The following PCNT variants were observed in gnomAD, a reference collection of about 807,000 sequenced individuals.
The protein encoded by PCNT is pericentrin, also known as kendrin.
A neutral mutation model predicts 380.4 loss-of-function variants in PCNT; 319 were observed. The ratio of observed to expected loss-of-function variants is 0.84; its 90% CI spans 0.77 to 0.92. The LOEUF (loss-of-function observed/expected upper bound fraction) is 0.92, where lower values mean the gene tolerates loss of function less well. Ranked by LOEUF, PCNT falls within the 40% of genes least tolerant of loss-of-function variation. The probability of loss-of-function intolerance (pLI) is 0.00; values close to 1 mark genes in which losing one functional copy is unlikely to be tolerated. For synonymous variants in PCNT, 1,845 were observed against 1,735.2 expected, an observed-to-expected ratio of 1.06 and a Z score of -1.57; for missense variants, 4,400 against 4,255.3, an observed-to-expected ratio of 1.03 and a Z score of -0.95.
rs892531670 is a variant in PCNT, at chr21:46,351,613, GCCAGAATTTAACAATTCTAGCAAA to G, written c.1456+75_1456+98del. On this transcript the variant is annotated intron_variant, in intron 9 of 46. Transcript: ENST00000359568. ...GTGTTTTTCATTGTTGTAACACCAA[GCCAGAATTTAACAATTCTAGCAAA>G]CACAAAAAAGTGGATTTACCTGTTT... The G allele has an allele frequency of 3.7e-5, 34 of 921,064 alleles. No homozygotes were observed. The African/African-American group carries it at 4.4e-4, about 12-fold the overall frequency. 57.1% of individuals were successfully genotyped at this position (921,064 alleles called of 1,614,324 possible).
intron 13 of PCNT, among the ~76,000 whole-genome samples, chr21:46,357,851 G>T (rs2084532630): frequency 6.6e-6 from 1 of 152,246 alleles, no homozygotes. Context: ...CTTAAATTGC[G>T]TCCGCGTTCC....
Position 46,366,861 on chromosome 21 carries a change from A to G in PCNT, c.2887A>G (p.Arg963Gly). Residue 963 changes from arginine to glycine, a missense_variant, in exon 15 of 47, where the codon AGA (arginine) becomes GGA (glycine). Physicochemically the swap from Arg to Gly is moderately radical, Grantham distance 125. Transcript: ENST00000359568. ...TGCCGACCTCGGCGCTCTGGAGACC[A>G]GACATCTGTCCAGCCTTGATTCTTT... ...HAADLGALETRHLSSLDSLES... is the reference protein window; with the variant it reads ...HAADLGALETGHLSSLDSLES... 1.2e-6 allele frequency: 2 copies of G among 1,614,152 alleles called. No individual in the cohort carries two copies. Among genetic ancestry groups the G allele is most frequent in the South Asian group, 1.1e-5 (1 of 91,090 alleles).
intron 3 of PCNT, among the ~76,000 whole-genome samples, chr21:46,344,925 G>A (rs557026041): frequency 7.0e-4 from 106 of 152,364 alleles, no homozygotes; most frequent in African/African-American, 2.1e-3. Flanking sequence ...AACTGATTCT[G>A]ATGTTGGTAG....
chr21:46,353,715 G>GGGGTGTGT (rs1555954530), intron 10 of PCNT, among the ~76,000 whole-genome samples: 2 of 129,048 alleles, frequency 1.5e-5, no homozygotes, highest in African/African-American at 5.7e-5. Flanking sequence ...CTCTCCTCCA[G>GGGGTGTGT]GTGTGTGTGT....
chr21:46,377,638 G>A (rs1275940760), intron 15 of PCNT, among the ~76,000 whole-genome samples: 2 of 152,060 alleles, frequency 1.3e-5, no homozygotes, highest in East Asian at 1.9e-4. Context: ...GCTGAGGCAG[G>A]AGGATTGCTG....
At chr21:46,383,620 T>TAA (rs550838326) in intron 16 of PCNT, among the ~76,000 whole-genome samples, 418 of 143,224 alleles carry the variant, frequency 2.9e-3, no homozygotes, top group Non-Finnish European at 4.5e-3. Context: ...TGGTGTGCGT[T>TAA]CAGTGGCAGA....
At chr21:46,432,881 A>G (rs375772393) in intron 38 of PCNT, among the ~76,000 whole-genome samples, 1 of 152,198 alleles carries the variant, frequency 6.6e-6, no homozygotes, top group African/African-American at 2.4e-5. Flanking sequence ...TGGGCCTCTC[A>G]GACTGCTGGG....
rs771547665 is a variant in PCNT at position 46,430,616 on chromosome 21, C to G, written c.8023C>G (p.Arg2675Gly). ...LQSQLEEEQL[R>G]HLQRESQSAK... ...GAGCCAGCTGGAGGAGGAGCAGCTG[C>G]GGCACCTGCAGAGGGAGAGCCAGAG... Residue 2675 changes from arginine (R) to glycine (G), a missense_variant, in exon 37 of 47, where the codon CGG (arginine) becomes GGG (glycine). Physicochemically the swap from Arg to Gly is moderately radical, Grantham distance 125. Transcript: ENST00000359568. 2.5e-6 allele frequency: 4 copies of G among 1,569,676 alleles called. No individual in the cohort carries two copies. The East Asian group carries it at 7.0e-5, about 28-fold the overall frequency.
At position 46,347,460 on chromosome 21, in the gene PCNT, A is replaced by T. The variant is rs1320428777; in HGVS notation, c.980A>T (p.Glu327Val). Residue 327 changes from glutamate to valine, a missense_variant, in exon 6 of 47, where the codon GAG becomes GTG. Coordinates refer to ENST00000359568, the MANE Select transcript of PCNT (RefSeq NM_006031.6). ...CTGCTTTTTGTTTTTCTTGCAGCTG[A>T]GCTGAAGGAGAAGTTACAATCAGAA... ...VVLRCGQEAA[E>V]LKEKLQSEME... 3 of 1,613,814 alleles carry T rather than the reference A, an allele frequency of 1.9e-6. No individual in the cohort carries two copies. Among genetic ancestry groups the T allele is most frequent in the African/African-American group, 2.7e-5 (2 of 74,888 alleles).
At chr21:46,355,830 G>A (rs2084454665) in intron 12 of PCNT, among the ~76,000 whole-genome samples, 1 of 152,204 alleles carries the variant, frequency 6.6e-6, no homozygotes, top group East Asian at 1.9e-4. Context: ...GGGCAGGAGT[G>A]CGTGTCCTGG....
rs1468651494 is a variant in PCNT at position 46,426,098 on chromosome 21, A to G, written c.7320+127A>G. 6.1e-5 allele frequency: 36 copies of G among 586,168 alleles called. 1 individual carries two copies. The South Asian group carries it at 6.7e-4, about 11-fold the overall frequency. 36.3% of individuals were successfully genotyped at this position (586,168 alleles called of 1,614,324 possible). On this transcript the variant is annotated intron_variant, in intron 33 of 46. Coordinates refer to ENST00000359568, the MANE Select transcript of PCNT (RefSeq NM_006031.6). ...TTTTTTTTTTTTTTTTTTTTTTTTG[A>G]GACTCGGCTCACTGCAACCTCCACC...
chr21:46,337,037 G>T (rs935084746), intron 3 of PCNT, among the ~76,000 whole-genome samples: 15 of 151,672 alleles, frequency 9.9e-5, no homozygotes, highest in Middle Eastern at 6.8e-3. Flanking sequence ...TCGCTCTGTT[G>T]CCCAGGCTGG....
At chr21:46,386,027 A>T in intron 17 of PCNT, 44 bp downstream of exon 17, 10 of 1,610,218 alleles carry the variant, frequency 6.2e-6, no homozygotes, top group Non-Finnish European at 8.5e-6. Flanking sequence ...GGCCGCCAGC[A>T]CCCGCTGGGT....
At chr21:46,324,392 C>T in intron 1 of PCNT, 110 bp downstream of exon 1, 2 of 944,172 alleles carry the variant, frequency 2.1e-6, no homozygotes, top group African/African-American at 1.6e-5. Context: ...GCGGAAGCCG[C>T]CGCGGAGGTC....
At chr21:46,413,466 C>A (rs2086886838) in intron 29 of PCNT, among the ~76,000 whole-genome samples, 1 of 152,238 alleles carries the variant, frequency 6.6e-6, no homozygotes, top group Non-Finnish European at 1.5e-5. Flanking sequence ...ACAGTCCGTG[C>A]CTGCAGTGAC....
Position 46,403,487 on chromosome 21 carries a change from C to T in PCNT, c.5115+1004C>T, listed in dbSNP as rs1466841445. Among the ~76,000 whole-genome samples the T allele has an allele frequency of 1.0e-4, 11 of 107,886 alleles. 1 individual carries two copies. The highest frequency in any genetic ancestry group is 1.4e-4 in the African/African-American group (4 of 28,160). The allele number at this position is 107,886 out of a possible 152,430, so 70.8% of individuals were successfully genotyped here. On this transcript the variant is annotated intron_variant, in intron 27 of 46. Transcript: ENST00000359568. ...GCACGTGCTTGGTGAATGAACACAG[C>T]GTGGGAGAATTGTGTGTGTGGTGCC...
At chr21:46,405,452 C>T (rs1259932936) in intron 27 of PCNT, among the ~76,000 whole-genome samples, 2 of 152,208 alleles carry the variant, frequency 1.3e-5, no homozygotes, top group Non-Finnish European at 2.9e-5. Context: ...AATCCCAGCA[C>T]TTTGGGAGGC....
At chr21:46,444,160 G>C (rs184966883) in intron 45 of PCNT, among the ~76,000 whole-genome samples, 2 of 152,222 alleles carry the variant, frequency 1.3e-5, no homozygotes, top group Non-Finnish European at 2.9e-5. Context: ...CGAGAGCCCG[G>C]TGCTGCCATC....
chr21:46,425,282 T>G lies in PCNT; in HGVS notation c.7180-549T>G, dbSNP rs1248164904. On this transcript the variant is annotated intron_variant, in intron 32 of 46. Transcript: ENST00000359568. The surrounding 1 kb of genome is among the most constrained non-coding windows in gnomAD (Gnocchi z 4.2). ...AGCAGCCGCCTCGTGTTCACAGACC[T>G]GTGGGCAGGGCCTGCTGGGGATGGT... Among the ~76,000 whole-genome samples the G allele has an allele frequency of 6.6e-6, 1 of 152,208 alleles. No individual in the cohort carries two copies. The highest frequency in any genetic ancestry group is 1.9e-4 in the East Asian group (1 of 5,188).
Sources: allele counts gnomAD v4.1 joint callset (sites outside exome capture counted in the v4.1 genomes callset), GRCh38; gene constraint gnomAD v4.1.1; non-coding constraint Gnocchi (gnomAD v3.1); transcripts MANE v1.5; gene names NCBI Gene and HGNC (gene_info 2026-07-23, HGNC 2026-07-21).